RUNX2: variants seen among roughly 807,000 people sequenced by gnomAD.
RUNX2 encodes RUNX family transcription factor 2, also known as runt-related transcription factor 2.
A neutral mutation model predicts 51.7 loss-of-function variants in RUNX2; 10 were observed. That is an observed-to-expected ratio of 0.19 (90% CI 0.12 to 0.33). RUNX2 has a LOEUF of 0.33. Among genes scored for constraint, RUNX2 ranks in the 10% least tolerant of loss-of-function variants. RUNX2 has a pLI of 1.00. For missense variants in RUNX2, 562 were observed against 691.3 expected, an observed-to-expected ratio of 0.81 and a Z score of 2.10; for synonymous variants, 276 against 273.6, an observed-to-expected ratio of 1.01 and a Z score of -0.09.
chr6:45,328,770 A>G lies in RUNX2; in HGVS notation c.44A>G (p.Gln15Arg). Residue 15 changes from glutamine to arginine, a missense_variant, in exon 2 of 9, where the codon CAA becomes CGA. Gln to Arg is a conservative substitution (Grantham distance 43). This residue lies in a region of RUNX2 where 153 missense variants were observed against 144.8 expected (regional missense o/e 1.06). Transcript: ENST00000647337. ...SLFSTVTPCQ[Q>R]NFFWDPSTSR... ...TTCAGCACAGTGACACCATGTCAGC[A>G]AAACTTCTTTTGGGGTAAGTGTTAC... 4 of 1,612,176 alleles carry G rather than the reference A, an allele frequency of 2.5e-6. No individual in the cohort carries two copies. Among genetic ancestry groups the G allele is most frequent in the Non-Finnish European group, 3.4e-6 (4 of 1,178,706 alleles).
intron 2 of RUNX2, among the ~76,000 whole-genome samples, chr6:45,369,586 C>G (rs911770776): frequency 6.6e-6 from 1 of 152,010 alleles, no homozygotes; most frequent in Non-Finnish European, 1.5e-5. Context: ...GACAGTGTAT[C>G]GTATCCTCCC....
intron 2 of RUNX2, among the ~76,000 whole-genome samples, chr6:45,347,761 T>C (rs552703013): frequency 6.6e-6 from 1 of 151,818 alleles, no homozygotes; most frequent in East Asian, 1.9e-4. Context: ...CACAATTCTT[T>C]TTTTTAAAAA....
rs1389655363 is a variant in RUNX2, at chr6:45,485,695, G to GTATATATATATATATATATATA, written c.686-6245_686-6244insATATATATATATATATATATAT. ...TGTATGTGTGTGTGTGTGTGTGTGT[G>GTATATATATATATATATATATA]TGTATATATATATATATATATACAC... On this transcript the variant is annotated intron_variant, in intron 5 of 8. Transcript: ENST00000647337. 7.6e-3 allele frequency among the ~76,000 whole-genome samples: 815 copies of GTATATATATATATATATATATA among 106,644 alleles called. 22 individuals carry two copies. Among genetic ancestry groups the GTATATATATATATATATATATA allele is most frequent in the Non-Finnish European group, 9.7e-3 (492 of 50,868 alleles). The allele number at this position is 106,644 out of a possible 152,430, so 70.0% of individuals were successfully genotyped here. A position where few individuals can be genotyped will look rare whatever the true frequency, so the allele number is the denominator to read the frequency against.
chr6:45,496,668 G>A (rs908162206), intron 6 of RUNX2, among the ~76,000 whole-genome samples: 11 of 152,168 alleles, frequency 7.2e-5, no homozygotes, highest in Non-Finnish European at 1.5e-4. Context: ...ATAGTGGCTT[G>A]GGTTTAGTTC....
At chr6:45,505,577 C>T (rs748098563) in intron 6 of RUNX2, among the ~76,000 whole-genome samples, 3 of 152,022 alleles carry the variant, frequency 2.0e-5, no homozygotes, top group Admixed American at 2.0e-4. Context: ...TGTGGTCCTG[C>T]TCAAAAAAGA....
chr6:45,355,599 G>A (rs774341073), intron 2 of RUNX2, among the ~76,000 whole-genome samples: 16 of 151,870 alleles, frequency 1.1e-4, no homozygotes, highest in Non-Finnish European at 2.4e-4. Context: ...ATTTTTCTTT[G>A]TATCAATTTG....
At chr6:45,435,931 C>T (rs1298098586) in intron 4 of RUNX2, among the ~76,000 whole-genome samples, 1 of 152,114 alleles carries the variant, frequency 6.6e-6, no homozygotes, top group Non-Finnish European at 1.5e-5. Context: ...TAACTTGGAC[C>T]CAGTGGCTTC....
chr6:45,377,798 T>C (rs948010196), intron 2 of RUNX2: 2 of 152,918 alleles, frequency 1.3e-5, no homozygotes, highest in African/African-American at 4.8e-5. Context: ...GAGGCACTGC[T>C]GCGCTTCCCG....
At chr6:45,342,738 CGTT>C (rs951264072) in intron 2 of RUNX2, among the ~76,000 whole-genome samples, 4 of 147,572 alleles carry the variant, frequency 2.7e-5, no homozygotes, top group African/African-American at 7.4e-5. Flanking sequence ...TAATAGTTTG[CGTT>C]AATGTTTTAA....
At chr6:45,546,147 C>G (rs1802392586) in intron 8 of RUNX2, among the ~76,000 whole-genome samples, 1 of 151,902 alleles carries the variant, frequency 6.6e-6, no homozygotes, top group Non-Finnish European at 1.5e-5. Context: ...GTACCAAGCC[C>G]CCTTGTGCCT....
chr6:45,473,063 G>GGGT (rs1444916307), intron 5 of RUNX2, among the ~76,000 whole-genome samples: 1 of 152,170 alleles, frequency 6.6e-6, no homozygotes, highest in Non-Finnish European at 1.5e-5. Context: ...TAGGCTTAAA[G>GGGT]GGTGGTCTTC....
At chr6:45,426,138 AT>A (rs1467272196) in intron 3 of RUNX2, among the ~76,000 whole-genome samples, 2 of 152,194 alleles carry the variant, frequency 1.3e-5, no homozygotes, top group Admixed American at 1.3e-4. Flanking sequence ...TATAAAATTT[AT>A]TTATTTTTAC....
At chr6:45,537,101 A>C (rs1802061916) in intron 7 of RUNX2, among the ~76,000 whole-genome samples, 1 of 152,198 alleles carries the variant, frequency 6.6e-6, no homozygotes, top group African/African-American at 2.4e-5. Flanking sequence ...CCTGCTTACA[A>C]GAGTCTCATG....
At chr6:45,505,372 T>C (rs1397815980) in intron 6 of RUNX2, among the ~76,000 whole-genome samples, 9 of 152,016 alleles carry the variant, frequency 5.9e-5, no homozygotes, top group African/African-American at 1.5e-4. Flanking sequence ...TTTTTTTTTT[T>C]TTTTCTTTTC....
At chr6:45,510,554 G>T (rs942210448) in intron 6 of RUNX2, among the ~76,000 whole-genome samples, 19 of 152,158 alleles carry the variant, frequency 1.2e-4, no homozygotes, top group Non-Finnish European at 8.8e-5. Context: ...CTAAAAATCC[G>T]CATCTTATTA....
chr6:45,411,768 A>G lies in RUNX2; in HGVS notation c.59-10825A>G, dbSNP rs939698819. Among the ~76,000 whole-genome samples, 5 of 152,328 alleles carry G rather than the reference A, an allele frequency of 3.3e-5. No homozygotes were observed. In the South Asian group the frequency reaches 1.0e-3, roughly 32 times the overall value. ...TCATGTTTGTAGTTATGGGCACACT[A>G]TAATAATTTCCTTCAGTAAGGGTAA... On this transcript the variant is annotated intron_variant, in intron 2 of 8. Coordinates refer to ENST00000647337, the MANE Select transcript of RUNX2 (RefSeq NM_001024630.4).
intron 7 of RUNX2, among the ~76,000 whole-genome samples, chr6:45,516,929 C>G (rs1307262265): frequency 6.6e-6 from 1 of 151,746 alleles, no homozygotes; most frequent in Non-Finnish European, 1.5e-5. Context: ...GTATGAGTCT[C>G]CTAGAGAGCT....
At chr6:45,457,664 G>A (rs937393643) in intron 5 of RUNX2, among the ~76,000 whole-genome samples, 1 of 152,178 alleles carries the variant, frequency 6.6e-6, no homozygotes, top group Non-Finnish European at 1.5e-5. Flanking sequence ...TTCAACGCTT[G>A]TAAAAACTAA....
At chr6:45,467,969 A>G (rs562599929) in intron 5 of RUNX2, among the ~76,000 whole-genome samples, 26 of 152,194 alleles carry the variant, frequency 1.7e-4, no homozygotes, top group African/African-American at 5.8e-4. Context: ...CAGTGCTGTA[A>G]CTCAGTTTTC....
Sources: gnomAD v4.1 joint callset for allele counts (sites outside exome capture counted in the v4.1 genomes callset) on GRCh38, gnomAD v4.1.1 for gene constraint, gnomAD v4.1.1 regional missense constraint, MANE v1.5 for transcripts, NCBI Gene and HGNC (gene_info 2026-07-23, HGNC 2026-07-21) for gene names.